The following VCL variants were observed in gnomAD, a reference collection of about 807,000 sequenced individuals.
The protein encoded by VCL is vinculin, also known as epididymis luminal protein 114.
In VCL, 47 loss-of-function variants were observed where a neutral mutation model predicts 125.7. That is an observed-to-expected ratio of 0.37 (90% CI 0.30 to 0.48). The LOEUF is 0.48. Ranked by LOEUF, VCL falls within the 20% of genes least tolerant of loss-of-function variation. The probability of loss-of-function intolerance (pLI) is 0.99; values close to 1 mark genes in which losing one functional copy is unlikely to be tolerated. For missense variants in VCL, 1,069 were observed against 1,455.5 expected (o/e 0.73, Z 4.32); for synonymous variants, 458 against 514.6 (o/e 0.89, Z 1.49).
chr10:74,051,040 A>G (rs1841289723), intron 2 of VCL, among the ~76,000 whole-genome samples: 1 of 149,952 alleles, frequency 6.7e-6, no homozygotes, highest in African/African-American at 2.5e-5. Flanking sequence ...CCCAGGTTCA[A>G]GAGATTCTCC....
intron 8 of VCL, among the ~76,000 whole-genome samples, chr10:74,088,008 AT>A (rs1564527656): frequency 1.3e-5 from 2 of 152,208 alleles, no homozygotes; most frequent in Non-Finnish European, 2.9e-5. Context: ...CTCAAAAAAA[AT>A]AAAAAAACCC....
chr10:74,050,433 T>A (rs1841279278), intron 2 of VCL, among the ~76,000 whole-genome samples: 1 of 152,214 alleles, frequency 6.6e-6, no homozygotes, highest in African/African-American at 2.4e-5. Flanking sequence ...TATACAAATT[T>A]ACCATAATTT....
chr10:74,079,844 A>T (rs1839649695), intron 6 of VCL, among the ~76,000 whole-genome samples: 2 of 152,198 alleles, frequency 1.3e-5, no homozygotes. Context: ...AATCTCTGAA[A>T]TTGTCTAAAA....
chr10:74,085,808 C>A (rs933782953), intron 8 of VCL, among the ~76,000 whole-genome samples: 29 of 152,256 alleles, frequency 1.9e-4, no homozygotes, highest in African/African-American at 6.3e-4. Context: ...TATACCTGGT[C>A]TCCAATATTA....
intron 10 of VCL, 22 bp from the exon 11 acceptor site, chr10:74,094,249 A>T (rs762888629): frequency 6.2e-7 from 1 of 1,613,872 alleles, no homozygotes; most frequent in East Asian, 2.2e-5. Flanking sequence ...GTGTGACAGG[A>T]TGGCTGTCTT....
chr10:74,037,834 C>G (rs1417722994), intron 1 of VCL, among the ~76,000 whole-genome samples: 1 of 152,180 alleles, frequency 6.6e-6, no homozygotes, highest in Non-Finnish European at 1.5e-5. Context: ...TTGGAAGAGT[C>G]TGGAGCAACA....
chr10:74,114,501 A>G, intron 20 of VCL, 114 bp downstream of exon 20: 1 of 1,313,824 alleles, frequency 7.6e-7, no homozygotes, highest in Non-Finnish European at 1.1e-6. Context: ...AAAACTAGGT[A>G]AGGGAGAAAG....
intron 1 of VCL, among the ~76,000 whole-genome samples, chr10:74,004,180 A>T (rs1351314766): frequency 1.3e-5 from 2 of 152,160 alleles, no homozygotes; most frequent in African/African-American, 4.8e-5. Flanking sequence ...TCTTCTTAAT[A>T]TATTTCTGTA....
Position 74,112,054 on chromosome 10 carries a change from A to G in VCL, c.2891A>G (p.Gln964Arg). Reference sequence around the variant, plus strand: ...ATGCCATCCAATCAGCCGGTCAACCAGCCCATTCTGGCCGCGGCTCAGTCC... The same window carrying G: ...ATGCCATCCAATCAGCCGGTCAACCGGCCCATTCTGGCCGCGGCTCAGTCC... ...LLMPSNQPVN[Q>R]PILAAAQSLH... The change falls in exon 19 of 22, where the codon CAG (glutamine) becomes CGG (arginine). Residue 964 changes from glutamine (Q) to arginine (R), a missense_variant. Transcript: ENST00000211998. 2 of 1,614,206 alleles carry G rather than the reference A, an allele frequency of 1.2e-6. No individual in the cohort carries two copies. The highest frequency in any genetic ancestry group is 1.7e-6 in the Non-Finnish European group (2 of 1,180,036).
chr10:74,094,558 G>T, intron 11 of VCL, 97 bp downstream of exon 11: 2 of 1,423,200 alleles, frequency 1.4e-6, no homozygotes, highest in East Asian at 2.4e-5. Flanking sequence ...ATTAGGTAAG[G>T]GTTCTTTAGC....
chr10:74,044,218 T>G (rs1299801236), intron 2 of VCL, among the ~76,000 whole-genome samples: 1 of 152,196 alleles, frequency 6.6e-6, no homozygotes, highest in East Asian at 1.9e-4. Flanking sequence ...TTTGGGCTAT[T>G]CTGCATAAAA....
chr10:74,087,651 C>T (rs1033383944), intron 8 of VCL, among the ~76,000 whole-genome samples: 4 of 150,670 alleles, frequency 2.7e-5, no homozygotes, highest in African/African-American at 4.9e-5. Flanking sequence ...TGAGCCACCG[C>T]GCCTGGCCGA....
At chr10:74,101,483 T>G (rs993986306) in intron 14 of VCL, among the ~76,000 whole-genome samples, 1 of 151,546 alleles carries the variant, frequency 6.6e-6, no homozygotes, top group Non-Finnish European at 1.5e-5. Context: ...CAAGACCCTG[T>G]CACCGTCTTT....
chr10:74,099,908 G>A (rs1266316842), intron 13 of VCL, among the ~76,000 whole-genome samples: 2 of 152,166 alleles, frequency 1.3e-5, no homozygotes, highest in Non-Finnish European at 2.9e-5. Flanking sequence ...TGAGAAGATA[G>A]ACACAGAACA....
chr10:74,059,449 G>A (rs1042729436), intron 2 of VCL, among the ~76,000 whole-genome samples: 3 of 151,298 alleles, frequency 2.0e-5, no homozygotes, highest in African/African-American at 7.3e-5. Flanking sequence ...CTGTCACGAA[G>A]GCTGTAGTGC....
chr10:74,023,152 G>A (rs984743717), intron 1 of VCL, among the ~76,000 whole-genome samples: 4 of 152,210 alleles, frequency 2.6e-5, no homozygotes. Flanking sequence ...CTTTAATGCA[G>A]TTGTGGGTAA....
chr10:74,055,298 TCAAA>T (rs919594439), intron 2 of VCL, among the ~76,000 whole-genome samples: 2 of 152,176 alleles, frequency 1.3e-5, no homozygotes, highest in African/African-American at 4.8e-5. Flanking sequence ...AGACTCTATT[TCAAA>T]CAAACAAACA....
At chr10:74,101,967 G>A (rs2131924332) in intron 14 of VCL, among the ~76,000 whole-genome samples, 1 of 150,300 alleles carries the variant, frequency 6.7e-6, no homozygotes, top group Non-Finnish European at 1.5e-5. Context: ...CTGGGTTCAA[G>A]TGGTTCTCCT....
At chr10:74,026,874 T>C (rs1840780695) in intron 1 of VCL, among the ~76,000 whole-genome samples, 1 of 152,186 alleles carries the variant, frequency 6.6e-6, no homozygotes, top group Non-Finnish European at 1.5e-5. Context: ...AGGACCTCAT[T>C]TTCCTAACAT....
Sources: allele counts gnomAD v4.1 joint callset (sites outside exome capture counted in the v4.1 genomes callset), GRCh38; gene constraint gnomAD v4.1.1; transcripts MANE v1.5; gene names NCBI Gene and HGNC (gene_info 2026-07-23, HGNC 2026-07-21).